LYST: variants seen among roughly 807,000 people sequenced by gnomAD.
The protein encoded by LYST is lysosomal-trafficking regulator.
LYST carries 192 observed loss-of-function variants against 413.6 expected under a neutral mutation model. The ratio of observed to expected loss-of-function variants is 0.46; its 90% CI spans 0.41 to 0.52. The LOEUF (loss-of-function observed/expected upper bound fraction) is 0.52, where lower values mean the gene tolerates loss of function less well. LYST is among the 20% of genes least tolerant of loss of function. The pLI is 0.00. For missense variants in LYST, 3,815 were observed against 4,499.9 expected, an observed-to-expected ratio of 0.85 and a Z score of 4.35; for synonymous variants, 1,525 against 1,567.3, an observed-to-expected ratio of 0.97 and a Z score of 0.64.
intron 44 of LYST, among the ~76,000 whole-genome samples, chr1:235,707,957 A>G (rs1662116367): frequency 6.6e-6 from 1 of 152,166 alleles, no homozygotes; most frequent in Non-Finnish European, 1.5e-5. Flanking sequence ...ATATGCTCCA[A>G]TGAGCATTTC....
intron 1 of LYST, among the ~76,000 whole-genome samples, chr1:235,838,025 G>C (rs1344774668): frequency 6.6e-6 from 1 of 152,110 alleles, no homozygotes; most frequent in Non-Finnish European, 1.5e-5. Flanking sequence ...CAAGTGGAAG[G>C]AACAGTGGCA....
chr1:235,846,106 C>T (rs1677827638), intron 1 of LYST, among the ~76,000 whole-genome samples: 1 of 152,178 alleles, frequency 6.6e-6, no homozygotes, highest in South Asian at 2.1e-4. Context: ...GCTAAGGACC[C>T]TCACGGAGTC....
At chr1:235,823,279 A>G (rs1674971757) in intron 3 of LYST, among the ~76,000 whole-genome samples, 1 of 152,206 alleles carries the variant, frequency 6.6e-6, no homozygotes, top group Admixed American at 6.5e-5. Context: ...GAATGCCAAC[A>G]TCCCCTACAT....
intron 19 of LYST, among the ~76,000 whole-genome samples, chr1:235,772,668 C>G (rs1668826701): frequency 6.6e-6 from 1 of 152,144 alleles, no homozygotes; most frequent in African/African-American, 2.4e-5. Context: ...ACGATGAAGC[C>G]TTGCCCTATA....
intron 18 of LYST, 106 bp from the exon 19 acceptor site, chr1:235,774,097 A>G (rs536080483): frequency 1.3e-6 from 1 of 783,784 alleles, no homozygotes; most frequent in African/African-American, 1.7e-5. Flanking sequence ...ATTCAAAGGA[A>G]AGCTAGTAAA....
At chr1:235,773,510 GC>G (rs1183768256) in intron 19 of LYST, among the ~76,000 whole-genome samples, 2 of 152,110 alleles carry the variant, frequency 1.3e-5, no homozygotes, top group East Asian at 3.8e-4. Context: ...ACACAGATGA[GC>G]CTTGAAGACA....
intron 4 of LYST, among the ~76,000 whole-genome samples, chr1:235,811,564 T>C (rs1673454114): frequency 1.3e-5 from 2 of 152,272 alleles, no homozygotes; most frequent in South Asian, 4.1e-4. Flanking sequence ...ACTCAGTAAA[T>C]ACTTCACAGG....
At chr1:235,817,570 T>G (rs946317201) in intron 3 of LYST, among the ~76,000 whole-genome samples, 1 of 152,168 alleles carries the variant, frequency 6.6e-6, no homozygotes, top group South Asian at 2.1e-4. Context: ...TGTAGCAATA[T>G]GGATGGACGC....
chr1:235,665,612 C>CAAAAAAAAAAAAAA (rs1285165106), intron 50 of LYST, among the ~76,000 whole-genome samples: 2 of 81,278 alleles, frequency 2.5e-5, no homozygotes, highest in Non-Finnish European at 2.3e-5. Context: ...GACTCTATCT[C>CAAAAAAAAAAAAAA]AAAAAAAAAA....
chr1:235,826,535 A>T lies in LYST; in HGVS notation c.192+3691T>A, dbSNP rs916296909. ...ACTACATGATTCCAAAGCTACATTT[A>T]GATGCTAAAAGTCACAACAGTGGTG... is the stretch of plus-strand genomic sequence containing the variant. On this transcript the variant is annotated intron_variant, in intron 3 of 52. Transcript: ENST00000389793. 3.7e-4 allele frequency among the ~76,000 whole-genome samples: 57 copies of T among 152,228 alleles called. 1 individual carries two copies. Among genetic ancestry groups the T allele is most frequent in the African/African-American group, 1.4e-3 (56 of 41,460 alleles).
At chr1:235,738,315 A>T in intron 31 of LYST, 1 of 1,611,910 alleles carries the variant, frequency 6.2e-7, no homozygotes, top group Non-Finnish European at 8.5e-7. Context: ...GGAGAAAGCC[A>T]TCTTAATTTG....
In LYST at chr1:235,709,291, G is replaced by A. The variant is rs1299376147; in HGVS notation, c.9943C>T (p.Arg3315Cys). 17 of 1,613,216 alleles carry A rather than the reference G, an allele frequency of 1.1e-5. No individual in the cohort carries two copies. The highest frequency in any genetic ancestry group is 6.7e-5 in the East Asian group (3 of 44,838). The change falls in exon 44 of 53, where the codon CGT (arginine) becomes TGT (cysteine). Residue 3315 changes from arginine (R) to cysteine (C), a missense_variant. By Grantham distance (180) the Arg-to-Cys change is radical. Transcript: ENST00000389793. ...VNREGFDFGV[R>C]QNGERVNHVN... ...TGATTAACCCGTTCACCATTCTGAC[G>A]CACACCAAAATCAAAACCTAAAAGA...
chr1:235,855,124 T>C (rs11588053), intron 1 of LYST, among the ~76,000 whole-genome samples: 67,576 of 152,040 alleles, frequency 0.44, 16,253 homozygotes, highest in African/African-American at 0.61. Context: ...TACTTTTCCA[T>C]ATGCCTCTAT....
intron 31 of LYST, chr1:235,735,093 T>C (rs1347201359): frequency 6.6e-6 from 1 of 152,400 alleles, no homozygotes; most frequent in East Asian, 1.9e-4. Flanking sequence ...AAATATATTT[T>C]AAAAAGCAAG....
chr1:235,862,821 ACACACACACAC>A (rs1360055604), intron 1 of LYST, among the ~76,000 whole-genome samples: 1 of 138,624 alleles, frequency 7.2e-6, no homozygotes, highest in African/African-American at 2.8e-5. Flanking sequence ...ACACACACAC[ACACACACACAC>A]ACACACACAC....
rs771978663 is a variant in LYST at position 235,709,242 on chromosome 1, C to A, written c.9992G>T (p.Arg3331Leu). 1 of 1,613,986 alleles carries A rather than the reference C, an allele frequency of 6.2e-7. No homozygotes were observed. The highest frequency in any genetic ancestry group is 1.3e-5 in the African/African-American group (1 of 74,900). The change falls in exon 44 of 53, where the codon CGT (arginine) becomes CTT (leucine). Residue 3331 changes from arginine (R) to leucine (L), a missense_variant. Transcript: ENST00000389793. The stretch of plus-strand genomic sequence containing the variant: ...GAGGATAAAAAGACGAGGATCATTA[C>A]GCGCCCAAGGGGGAAGGTTGACGTG... The part of the protein sequence containing the change: ...VNHVNLPPWA[R>L]NDPRLFILIH...
At chr1:235,793,938 T>G (rs999128765) in intron 10 of LYST, among the ~76,000 whole-genome samples, 9 of 152,086 alleles carry the variant, frequency 5.9e-5, no homozygotes. Flanking sequence ...GTTCAAGCAA[T>G]TCTCCTGCCT....
chr1:235,678,515 T>A (rs1407523827), intron 48 of LYST, among the ~76,000 whole-genome samples: 3 of 152,064 alleles, frequency 2.0e-5, no homozygotes, highest in African/African-American at 7.2e-5. Flanking sequence ...CCACACAGGG[T>A]TTGACTCTTG....
chr1:235,717,381 A>C (rs1481621372), intron 40 of LYST, among the ~76,000 whole-genome samples: 1 of 152,226 alleles, frequency 6.6e-6, no homozygotes, highest in Non-Finnish European at 1.5e-5. Context: ...CATGCGTACA[A>C]ATCTGTCAGT....
Sources: gnomAD v4.1 joint callset for allele counts (sites outside exome capture counted in the v4.1 genomes callset) on GRCh38, gnomAD v4.1.1 for gene constraint, MANE v1.5 for transcripts, NCBI Gene and HGNC (gene_info 2026-07-23, HGNC 2026-07-21) for gene names.